Variants in TASOR observed in about 807,000 individuals in gnomAD.
TASOR encodes the protein transcription activation suppressor.
A neutral mutation model predicts 178.6 loss-of-function variants in TASOR; 53 were observed. The observed-to-expected ratio is 0.30, with a 90% CI of 0.24 to 0.37. The LOEUF (loss-of-function observed/expected upper bound fraction) is 0.37. Among genes scored for constraint, TASOR ranks in the 10% least tolerant of loss-of-function variants. TASOR has a pLI of 1.00. For synonymous variants in TASOR, 713 were observed against 696.2 expected, an observed-to-expected ratio of 1.02 and a Z score of -0.38; for missense variants, 1,815 against 1,971.4, an observed-to-expected ratio of 0.92 and a Z score of 1.50.
At chr3:56,647,624 T>C (rs879566224) in intron 13 of TASOR, among the ~76,000 whole-genome samples, 9 of 152,178 alleles carry the variant, frequency 5.9e-5, no homozygotes, top group Non-Finnish European at 1.2e-4. Context: ...TCTTATAAAG[T>C]AGTAACTAAC....
intron 1 of TASOR, among the ~76,000 whole-genome samples, 196 bp from the exon 2 acceptor site, chr3:56,673,921 G>T (rs754983090): frequency 6.6e-6 from 1 of 152,088 alleles, no homozygotes; most frequent in Non-Finnish European, 1.5e-5. Flanking sequence ...ACATACACCA[G>T]TTCCTTCAAC....
chr3:56,641,534 G>A lies in TASOR; in HGVS notation c.2434C>T (p.His812Tyr). The A allele has an allele frequency of 5.6e-6, 9 of 1,614,216 alleles. No homozygotes were observed. Among genetic ancestry groups the A allele is most frequent in the Non-Finnish European group, 7.6e-6 (9 of 1,180,014 alleles). ...DDAYEELRQK[H>Y]EYELNSTPDK... ...GGGGTAGAGTTCAACTCATACTCATGTTTTTGCCTCAGCTCTTCATAGGCA... is the reference window on the plus strand; with the variant it reads ...GGGGTAGAGTTCAACTCATACTCATATTTTTGCCTCAGCTCTTCATAGGCA... Residue 812 changes from histidine (H) to tyrosine (Y), a missense_variant, in exon 15 of 24, where the codon CAT (histidine) becomes TAT (tyrosine). Physicochemically the swap from His to Tyr is moderately conservative, Grantham distance 83. Transcript: ENST00000683822.
intron 11 of TASOR, among the ~76,000 whole-genome samples, chr3:56,659,153 G>A (rs1276229821): frequency 6.6e-6 from 1 of 152,086 alleles, no homozygotes; most frequent in Non-Finnish European, 1.5e-5. Context: ...TAAATTCTAT[G>A]TAGCCATTAA....
chr3:56,648,734 G>A, intron 13 of TASOR, 88 bp downstream of exon 13: 1 of 854,328 alleles, frequency 1.2e-6, no homozygotes, highest in Non-Finnish European at 1.8e-6. Context: ...AGGTAAGAAA[G>A]ACAAAATGTT....
chr3:56,675,179 T>TC (rs2107637972), intron 1 of TASOR, among the ~76,000 whole-genome samples: 1 of 144,174 alleles, frequency 6.9e-6, no homozygotes, highest in Non-Finnish European at 1.5e-5. Context: ...CCCACTGAAT[T>TC]TTTTTTTTTT....
At chr3:56,663,411 G>A in intron 8 of TASOR, 130 bp downstream of exon 8, 1 of 455,730 alleles carries the variant, frequency 2.2e-6, no homozygotes, top group East Asian at 8.8e-5. Flanking sequence ...CAAATGCGCT[G>A]ATGCTACATT....
rs777127603 is a variant in TASOR, at chr3:56,633,750, C to T, written c.3041G>A (p.Ser1014Asn). ...PAAEAEPPAV[S>N]ETTERTVLGE... ...TAACACTGTCCTCTCTGTGGTTTCG[C>T]TCACTGCAGGCGGCTCTGCCTCTGC... is the stretch of plus-strand genomic sequence containing the variant. Residue 1014 changes from serine (S) to asparagine (N), a missense_variant, in exon 18 of 24, where the codon AGC becomes AAC. Physicochemically the swap from Ser to Asn is conservative, Grantham distance 46. Around this residue, in one of 5 missense-constraint regions of TASOR, gnomAD observed 655 missense variants for 671.1 expected, o/e 0.98. Transcript: ENST00000683822. The T allele has an allele frequency of 1.2e-6, 2 of 1,614,152 alleles. No homozygotes were observed. Among genetic ancestry groups the T allele is most frequent in the Non-Finnish European group, 1.7e-6 (2 of 1,180,040 alleles).
chr3:56,628,723 A>AAGC, intron 18 of TASOR, 109 bp from the exon 19 acceptor site: 3 of 714,484 alleles, frequency 4.2e-6, no homozygotes, highest in Non-Finnish European at 6.7e-6. Context: ...CCATGACATT[A>AAGC]TTAACAATGA....
chr3:56,682,633 G>A (rs1190418584), intron 1 of TASOR, 43 bp downstream of exon 1: 4 of 1,410,414 alleles, frequency 2.8e-6, no homozygotes, highest in Non-Finnish European at 3.8e-6. Flanking sequence ...TGAAAAGATG[G>A]AGGGGAGAGA....
intron 1 of TASOR, among the ~76,000 whole-genome samples, chr3:56,681,974 T>C (rs935616817): frequency 8.5e-5 from 13 of 152,224 alleles, no homozygotes; most frequent in East Asian, 3.8e-4. Flanking sequence ...TTTTTTTCCA[T>C]TGGGAAATTA....
Position 56,641,419 on chromosome 3 carries a change from G to C in TASOR, c.2549C>G (p.Ala850Gly). ...AATAGCAACAGAATACTTAGATGTT[G>C]CATCAACTTCTAGTAATAAGCTCTG... ...GTQSLLLEVD[A>G]TSKYSVAIST... Residue 850 changes from alanine to glycine, a missense_variant, in exon 15 of 24, where the codon GCA (alanine) becomes GGA (glycine). By Grantham distance (60) the Ala-to-Gly change is moderately conservative. Transcript: ENST00000683822. The C allele has an allele frequency of 1.2e-6, 2 of 1,604,044 alleles. No homozygotes were observed. The highest frequency in any genetic ancestry group is 8.5e-7 in the Non-Finnish European group (1 of 1,171,300).
Position 56,621,227 on chromosome 3 carries a change from A to C in TASOR, c.*1810T>G, listed in dbSNP as rs1336318997. ...GTTAAGGGAGACTCCTTCAGTATCT[A>C]AGAGCACTTGGGGGTGGACTGGGGG... On this transcript the variant is annotated 3_prime_UTR_variant, in exon 24 of 24. Transcript: ENST00000683822. The C allele has an allele frequency of 4.8e-6, 1 of 210,312 alleles. No homozygotes were observed. Among genetic ancestry groups the C allele is most frequent in the African/African-American group, 2.3e-5 (1 of 43,364 alleles). 13.0% of individuals were successfully genotyped at this position (210,312 alleles called of 1,614,324 possible). A position where few individuals can be genotyped will look rare whatever the true frequency, so the allele number is the denominator to read the frequency against.
chr3:56,626,918 C>T, intron 21 of TASOR, 119 bp downstream of exon 21: 1 of 609,746 alleles, frequency 1.6e-6, no homozygotes, highest in Non-Finnish European at 2.9e-6. Flanking sequence ...TCAATTATGG[C>T]TGGCTATGGA....
At chr3:56,651,995 C>T (rs1295242344) in intron 11 of TASOR, among the ~76,000 whole-genome samples, 2 of 152,046 alleles carry the variant, frequency 1.3e-5, no homozygotes, top group Non-Finnish European at 2.9e-5. Context: ...GCATACTGGG[C>T]CATAAAACAG....
At chr3:56,645,819 C>T (rs1163070712) in intron 14 of TASOR, among the ~76,000 whole-genome samples, 7 of 152,168 alleles carry the variant, frequency 4.6e-5, no homozygotes, top group African/African-American at 1.7e-4. Flanking sequence ...CTAAAAGATA[C>T]TACTATTCTG....
At chr3:56,637,193 T>A (rs962764382) in intron 17 of TASOR, among the ~76,000 whole-genome samples, 1 of 152,224 alleles carries the variant, frequency 6.6e-6, no homozygotes, top group Non-Finnish European at 1.5e-5. Context: ...GAAGAAAATC[T>A]TCTGGGATGC....
intron 14 of TASOR, among the ~76,000 whole-genome samples, chr3:56,643,770 A>AAC (rs1553725010): frequency 6.9e-6 from 1 of 144,670 alleles, no homozygotes; most frequent in African/African-American, 2.7e-5. Context: ...AAAAAAAAAC[A>AAC]AAAAAAAAAG....
At chr3:56,678,966 C>T (rs549638214) in intron 1 of TASOR, among the ~76,000 whole-genome samples, 1 of 146,718 alleles carries the variant, frequency 6.8e-6, no homozygotes, top group Non-Finnish European at 1.5e-5. Flanking sequence ...CAGCCGGGAT[C>T]GCAACACTGC....
chr3:56,660,627 T>C (rs2077574579), intron 11 of TASOR, 104 bp downstream of exon 11: 3 of 788,408 alleles, frequency 3.8e-6, no homozygotes, highest in African/African-American at 1.7e-5. Flanking sequence ...AGACACCTCA[T>C]GGTACTTTCA....
Sources: allele counts gnomAD v4.1 joint callset (sites outside exome capture counted in the v4.1 genomes callset), GRCh38; gene constraint gnomAD v4.1.1; regional missense constraint gnomAD v4.1.1; transcripts MANE v1.5; gene names NCBI Gene and HGNC (gene_info 2026-07-23, HGNC 2026-07-21).